BICRAL: variants seen among roughly 807,000 people sequenced by gnomAD.
BICRAL encodes the protein BICRA like chromatin remodeling complex associated protein, also known as BRD4-interacting chromatin-remodeling complex-associated protein-like.
BICRAL carries 8 observed loss-of-function variants against 91.8 expected under a neutral mutation model. That is an observed-to-expected ratio of 0.09 (90% CI 0.05 to 0.16). BICRAL has a LOEUF of 0.16. Among genes scored for constraint, BICRAL ranks in the 10% least tolerant of loss-of-function variants. The probability of loss-of-function intolerance (pLI) is 1.00; values close to 1 mark genes in which losing one functional copy is unlikely to be tolerated. For synonymous variants in BICRAL, 445 were observed against 491.1 expected, an observed-to-expected ratio of 0.91 and a Z score of 1.24; for missense variants, 1,038 against 1,310.9, an observed-to-expected ratio of 0.79 and a Z score of 3.21.
chr6:42,757,618 C>T (rs1762482607), intron 1 of BICRAL, among the ~76,000 whole-genome samples: 1 of 152,174 alleles, frequency 6.6e-6, no homozygotes, highest in Middle Eastern at 3.4e-3. Flanking sequence ...AACTCCTGGC[C>T]TCAAGTGATC....
chr6:42,747,795 G>GTTTTA (rs1554272990), intron 1 of BICRAL, among the ~76,000 whole-genome samples: 1 of 141,088 alleles, frequency 7.1e-6, no homozygotes, highest in Non-Finnish European at 1.5e-5. Flanking sequence ...TTGCTTTTTT[G>GTTTTA]TTTTATTTTG....
chr6:42,784,707 C>CAA (rs1763050807), intron 1 of BICRAL, among the ~76,000 whole-genome samples: 1 of 152,218 alleles, frequency 6.6e-6, no homozygotes, highest in Non-Finnish European at 1.5e-5. Context: ...ATTCTTCCCC[C>CAA]TACACCTATG....
At chr6:42,764,656 CTTTTG>C (rs942988243) in intron 1 of BICRAL, among the ~76,000 whole-genome samples, 3 of 151,556 alleles carry the variant, frequency 2.0e-5, no homozygotes, top group Admixed American at 6.6e-5. Context: ...GTTATGGGGT[CTTTTG>C]TTTGTTTGTT....
intron 1 of BICRAL, among the ~76,000 whole-genome samples, chr6:42,797,928 A>G (rs528674073): frequency 1.3e-5 from 2 of 152,168 alleles, no homozygotes; most frequent in African/African-American, 2.4e-5. Context: ...GTGAGCCACT[A>G]TTGCATCACT....
At chr6:42,782,537 T>C (rs920178267) in intron 1 of BICRAL, among the ~76,000 whole-genome samples, 1 of 103,316 alleles carries the variant, frequency 9.7e-6, no homozygotes, top group Non-Finnish European at 2.0e-5. Flanking sequence ...CTCGGCGGGG[T>C]GGGGGCCCGG....
intron 1 of BICRAL, among the ~76,000 whole-genome samples, chr6:42,755,352 G>A (rs1762442430): frequency 6.6e-6 from 1 of 152,136 alleles, no homozygotes; most frequent in African/African-American, 2.4e-5. Flanking sequence ...CAGGAGCTGG[G>A]GTATCCCTGG....
chr6:42,773,468 T>C (rs533670669), intron 1 of BICRAL, among the ~76,000 whole-genome samples: 37 of 152,154 alleles, frequency 2.4e-4, no homozygotes, highest in Non-Finnish European at 5.1e-4. Context: ...TTCTCTAGCC[T>C]AGGCCTCCTA....
chr6:42,832,578 C>CGTGTGTGTGTGTGTGTGT (rs59693040), intron 6 of BICRAL, among the ~76,000 whole-genome samples: 2 of 142,744 alleles, frequency 1.4e-5, no homozygotes, highest in African/African-American at 5.1e-5. Flanking sequence ...ATCAAAGGGG[C>CGTGTGTGTGTGTGTGTGT]GTGTGTGTGT....
Position 42,775,173 on chromosome 6 carries a change from G to T in BICRAL, c.-260-6666G>T, listed in dbSNP as rs1450012910. The stretch of plus-strand genomic sequence containing the variant: ...GTCTTGAACAATCCTGACCTCAGGT[G>T]ATCCGCCCGCTTCAGCTTCCCAAAG... On this transcript the variant is annotated intron_variant, in intron 1 of 14. Transcript: ENST00000614467. Among the ~76,000 whole-genome samples the T allele has an allele frequency of 2.6e-5, 4 of 152,320 alleles. No homozygotes were observed. The East Asian group carries it at 7.7e-4, about 29-fold the overall frequency.
chr6:42,755,533 C>A (rs576208800), intron 1 of BICRAL, among the ~76,000 whole-genome samples: 2 of 152,276 alleles, frequency 1.3e-5, no homozygotes, highest in East Asian at 3.9e-4. Flanking sequence ...CTCCACATGC[C>A]TCCCCTCTCA....
chr6:42,845,195 GTTTTTTT>G lies in BICRAL; in HGVS notation c.1840-6850_1840-6844del, dbSNP rs748804344. 2.7e-3 allele frequency among the ~76,000 whole-genome samples: 70 copies of G among 25,608 alleles called. 12 individuals carry two copies. The highest frequency in any genetic ancestry group is 0.013 in the South Asian group (7 of 556). 16.8% of individuals were successfully genotyped at this position (25,608 alleles called of 152,430 possible). On this transcript the variant is annotated intron_variant, in intron 6 of 12. Transcript: ENST00000314073. ...CTTCTCTGTTTTTTGTTTTTTGGGT[GTTTTTTT>G]TTTTTTTTTTTTTTTTTTTTTTTTT...
chr6:42,782,195 G>C lies in BICRAL; in HGVS notation c.-102+94G>C, dbSNP rs1364700842. The stretch of plus-strand genomic sequence containing the variant: ...CCTCCTTCCTCTGCCTCTTTCCTTC[G>C]GGGAGGGGAAAAGCGAGGGAGGGGG... On this transcript the variant is annotated intron_variant, in intron 1 of 12. Coordinates refer to ENST00000314073, the MANE Select transcript of BICRAL (RefSeq NM_001393499.1). 2.0e-5 allele frequency: 3 copies of C among 150,752 alleles called. No individual in the cohort carries two copies. In the East Asian group the frequency reaches 5.8e-4, roughly 29 times the overall value. The allele number at this position is 150,752 out of a possible 1,614,324, so 9.3% of individuals were successfully genotyped here.
upstream of BICRAL, among the ~76,000 whole-genome samples, chr6:42,780,600 A>C (rs891250553): frequency 6.6e-6 from 1 of 152,158 alleles, no homozygotes; most frequent in Non-Finnish European, 1.5e-5. Flanking sequence ...ATTCTGTACA[A>C]TTCACCTTTT....
chr6:42,813,672 C>T lies in BICRAL; in HGVS notation c.-6+3271C>T, dbSNP rs577771126. Among the ~76,000 whole-genome samples the T allele has an allele frequency of 3.3e-5, 5 of 152,116 alleles. No homozygotes were observed. In the East Asian group the frequency reaches 9.7e-4, roughly 29 times the overall value. On this transcript the variant is annotated intron_variant, in intron 2 of 12. Coordinates refer to ENST00000314073, the MANE Select transcript of BICRAL (RefSeq NM_001393499.1). Reference sequence around the variant, plus strand: ...AGCAGCTGGGATTACAGGTGCGCACCACCATGCCCAGCTAATTTTTTTATT... The same window carrying T: ...AGCAGCTGGGATTACAGGTGCGCACTACCATGCCCAGCTAATTTTTTTATT...
At chr6:42,779,168 G>A (rs1762844577), upstream of BICRAL, among the ~76,000 whole-genome samples, 1 of 149,666 alleles carries the variant, frequency 6.7e-6, no homozygotes, top group Non-Finnish European at 1.5e-5. Flanking sequence ...AGTGAGATAT[G>A]ATCATGCCTC....
rs79987333 is a variant in BICRAL at position 42,864,881 on chromosome 6, A to G, written c.2675A>G (p.Asn892Ser). The change falls in exon 13 of 13, where the codon AAC becomes AGC. Residue 892 changes from asparagine to serine, a missense_variant. Coordinates refer to ENST00000314073, the MANE Select transcript of BICRAL (RefSeq NM_001393499.1). ...CACATCGTGGTCTCTGCAGAAGGAAACATTTCTAAAAAAACAGAATGCCTT... is the reference window on the plus strand; with the variant it reads ...CACATCGTGGTCTCTGCAGAAGGAAGCATTTCTAAAAAAACAGAATGCCTT... ...PNHIVVSAEG[N>S]ISKKTECLGR... 9.3e-6 allele frequency: 15 copies of G among 1,614,164 alleles called. No homozygotes were observed. Among genetic ancestry groups the G allele is most frequent in the Middle Eastern group, 1.6e-4 (1 of 6,062 alleles).
At chr6:42,852,003 A>G in intron 6 of BICRAL, 89 bp from the exon 7 acceptor site, 1 of 735,392 alleles carries the variant, frequency 1.4e-6, no homozygotes, top group Non-Finnish European at 2.3e-6. Flanking sequence ...GGTACCAGGG[A>G]GGCATGAAGA....
At chr6:42,752,480 T>C (rs956733063) in intron 1 of BICRAL, among the ~76,000 whole-genome samples, 4 of 152,132 alleles carry the variant, frequency 2.6e-5, no homozygotes, top group Non-Finnish European at 5.9e-5. Flanking sequence ...ACTGGGTCTC[T>C]CTCTCACCCA....
chr6:42,767,271 CT>C (rs756267403), intron 1 of BICRAL, among the ~76,000 whole-genome samples: 5 of 151,834 alleles, frequency 3.3e-5, no homozygotes, highest in African/African-American at 9.7e-5. Flanking sequence ...AATTCCAGTG[CT>C]TTTTTTTGTT....
Sources: gnomAD v4.1 joint callset for allele counts (sites outside exome capture counted in the v4.1 genomes callset) on GRCh38, gnomAD v4.1.1 for gene constraint, MANE v1.5 for transcripts, NCBI Gene and HGNC (gene_info 2026-07-23, HGNC 2026-07-21) for gene names.